Variants in MARK1 observed in about 807,000 individuals in gnomAD.
MARK1 encodes the protein serine/threonine-protein kinase MARK1.
A neutral mutation model predicts 96.3 loss-of-function variants in MARK1; 40 were observed. That is an observed-to-expected ratio of 0.42 (90% CI 0.32 to 0.54). The LOEUF (loss-of-function observed/expected upper bound fraction) is 0.54. MARK1 is among the 20% of genes least tolerant of loss of function. The pLI is 0.16. For missense variants in MARK1, 719 were observed against 984.6 expected, an observed-to-expected ratio of 0.73 and a Z score of 3.61; for synonymous variants, 317 against 341.2, an observed-to-expected ratio of 0.93 and a Z score of 0.78.
At chr1:220,625,893 A>T in intron 9 of MARK1, 2 of 499,244 alleles carry the variant, frequency 4.0e-6, no homozygotes, top group Admixed American at 2.2e-5. Flanking sequence ...GAACAATAGA[A>T]ATCTGTCACC....
chr1:220,643,431 G>A (rs963140531), intron 13 of MARK1, among the ~76,000 whole-genome samples: 1 of 151,848 alleles, frequency 6.6e-6, no homozygotes, highest in African/African-American at 2.4e-5. Context: ...AAGAAACATG[G>A]GACTATGTAA....
At chr1:220,647,947 C>G (rs1229359524) in intron 13 of MARK1, among the ~76,000 whole-genome samples, 1 of 151,770 alleles carries the variant, frequency 6.6e-6, no homozygotes, top group Non-Finnish European at 1.5e-5. Context: ...GCATGCTGGG[C>G]TTAATACCTA....
intron 6 of MARK1, among the ~76,000 whole-genome samples, chr1:220,610,978 G>A (rs918189446): frequency 1.3e-5 from 2 of 152,178 alleles, no homozygotes; most frequent in African/African-American, 4.8e-5. Flanking sequence ...CCTATATGAG[G>A]TGTCTGTCAG....
intron 1 of MARK1, among the ~76,000 whole-genome samples, chr1:220,575,951 T>C (rs1663799389): frequency 6.6e-6 from 1 of 150,442 alleles, no homozygotes; most frequent in Non-Finnish European, 1.5e-5. Context: ...CAGCTTACAA[T>C]GAAGGGTTTC....
At chr1:220,551,185 A>C (rs546697234) in intron 1 of MARK1, among the ~76,000 whole-genome samples, 1 of 152,362 alleles carries the variant, frequency 6.6e-6, no homozygotes, top group South Asian at 2.1e-4. Context: ...GAGCAGCTGA[A>C]GCAAGTGGTC....
chr1:220,559,536 A>G (rs1298090722), intron 1 of MARK1, among the ~76,000 whole-genome samples: 1 of 152,238 alleles, frequency 6.6e-6, no homozygotes, highest in Admixed American at 6.5e-5. Flanking sequence ...TTTTCTCTTT[A>G]CCATGAGATA....
At position 220,662,016 on chromosome 1, in the gene MARK1, C is replaced by T. The variant is rs141632214; in HGVS notation, c.2238C>T (p.Asp746=). Residue 746 remains aspartate (D), a synonymous_variant, in exon 18 of 18, where the codon GAC becomes GAT. Transcript: ENST00000366917. ...ERFLLFCVHG[D]ARQDSLVQWE... ...TTTTGCTTTTCTGTGTCCATGGAGA[C>T]GCTAGACAGGATAGCCTCGTGCAGT... The T allele has an allele frequency of 2.2e-5, 36 of 1,614,066 alleles. No homozygotes were observed. Among genetic ancestry groups the T allele is most frequent in the African/African-American group, 9.3e-5 (7 of 74,910 alleles).
rs1012243945 is a variant in MARK1 at position 220,587,277 on chromosome 1, T to TTTCCTTCC, written c.309+6177_309+6184dup. ...TCTCCTTTCCTTCCTTCCTTCCTTC[T>TTTCCTTCC]TTCCTTCCTTCCTTCCTTCCTTCCT... On this transcript the variant is annotated intron_variant, in intron 3 of 17. Transcript: ENST00000366917. 1.4e-3 allele frequency among the ~76,000 whole-genome samples: 210 copies of TTTCCTTCC among 150,616 alleles called. 2 individuals carry two copies. The highest frequency in any genetic ancestry group is 4.9e-3 in the African/African-American group (200 of 40,992).
At chr1:220,587,128 T>C (rs1303052018) in intron 3 of MARK1, among the ~76,000 whole-genome samples, 1 of 152,126 alleles carries the variant, frequency 6.6e-6, no homozygotes, top group Non-Finnish European at 1.5e-5. Context: ...TTTAAAAACT[T>C]TTTTTTACAT....
chr1:220,550,890 T>C (rs996945940), intron 1 of MARK1, among the ~76,000 whole-genome samples: 2 of 152,206 alleles, frequency 1.3e-5, no homozygotes, highest in Non-Finnish European at 2.9e-5. Flanking sequence ...TGATACAGAA[T>C]AAAGCTTTTA....
chr1:220,541,869 C>A (rs1661171830), intron 1 of MARK1, among the ~76,000 whole-genome samples: 1 of 152,166 alleles, frequency 6.6e-6, no homozygotes, highest in Non-Finnish European at 1.5e-5. Context: ...AGTGTTTAAT[C>A]CATCTTCATT....
At chr1:220,537,999 A>T (rs1660844385) in intron 1 of MARK1, among the ~76,000 whole-genome samples, 1 of 152,200 alleles carries the variant, frequency 6.6e-6, no homozygotes, top group South Asian at 2.1e-4. Flanking sequence ...CTTTTGTCAG[A>T]TGAGTAGGTT....
intron 17 of MARK1, among the ~76,000 whole-genome samples, chr1:220,660,432 A>T (rs912982397): frequency 1.3e-5 from 2 of 152,202 alleles, no homozygotes; most frequent in Admixed American, 6.5e-5. Context: ...AATGAAGTAG[A>T]TAATATATAT....
chr1:220,574,827 C>T (rs1039536127), intron 1 of MARK1, among the ~76,000 whole-genome samples: 2 of 152,072 alleles, frequency 1.3e-5, no homozygotes. Flanking sequence ...ATTGCAATGA[C>T]CTGTATTGGT....
intron 3 of MARK1, among the ~76,000 whole-genome samples, chr1:220,587,556 GACA>G (rs1476062147): frequency 6.6e-6 from 1 of 152,028 alleles, no homozygotes; most frequent in Non-Finnish European, 1.5e-5. Context: ...TTTTAGTAGA[GACA>G]GGGTTTCACC....
At chr1:220,659,316 T>A (rs1327844768) in intron 17 of MARK1, among the ~76,000 whole-genome samples, 1 of 152,164 alleles carries the variant, frequency 6.6e-6, no homozygotes, top group African/African-American at 2.4e-5. Flanking sequence ...ATAGGTGGGA[T>A]CAAGCCAGCT....
intron 6 of MARK1, among the ~76,000 whole-genome samples, chr1:220,609,692 C>T (rs6676985): frequency 0.015 from 2,358 of 152,228 alleles, 33 homozygotes; most frequent in Middle Eastern, 0.044. Flanking sequence ...GTGGCTGGTA[C>T]CAGTTGTTTC....
At chr1:220,613,887 A>G (rs955643877) in intron 6 of MARK1, among the ~76,000 whole-genome samples, 1 of 152,006 alleles carries the variant, frequency 6.6e-6, no homozygotes, top group East Asian at 1.9e-4. Flanking sequence ...TGACCAACCT[A>G]TTTGTCAAGA....
chr1:220,548,109 G>T (rs1055917412), intron 1 of MARK1, among the ~76,000 whole-genome samples: 4 of 152,228 alleles, frequency 2.6e-5, no homozygotes, highest in African/African-American at 9.7e-5. Context: ...AATGTATACA[G>T]TTAAGATTCA....
Sources: gnomAD v4.1 joint callset for allele counts (sites outside exome capture counted in the v4.1 genomes callset) on GRCh38, gnomAD v4.1.1 for gene constraint, MANE v1.5 for transcripts, NCBI Gene and HGNC (gene_info 2026-07-23, HGNC 2026-07-21) for gene names.